DMD: variants seen among roughly 807,000 people sequenced by gnomAD.
DMD encodes dystrophin, also known as mutant dystrophin.
Under a neutral mutation model 330.1 loss-of-function variants are expected in DMD, and 63 were observed. That is an observed-to-expected ratio of 0.19 (90% CI 0.16 to 0.24). The LOEUF (loss-of-function observed/expected upper bound fraction) is 0.24. Ranked by LOEUF, DMD falls within the 10% of genes least tolerant of loss-of-function variation. The pLI is 1.00. For synonymous variants in DMD, 1,223 were observed against 959.8 expected, an observed-to-expected ratio of 1.27 and a Z score of -5.07; for missense variants, 3,344 against 2,684.1, an observed-to-expected ratio of 1.25 and a Z score of -5.43.
At chrX:32,675,047 G>A (rs770921503) in intron 9 of DMD, among the ~76,000 whole-genome samples, 13 of 111,465 alleles carry the variant, frequency 1.2e-4, no homozygotes, top group Non-Finnish European at 2.3e-4. Context: ...CGAATGTTCT[G>A]ATTTCAAATT....
chrX:32,875,554 ATGAATGACTATTGGATAAG>A (rs2083309771), intron 2 of DMD, among the ~76,000 whole-genome samples: 1 of 112,457 alleles, frequency 8.9e-6, no homozygotes, highest in Non-Finnish European at 1.9e-5. Context: ...CGAAGAATAA[ATGAATGACTATTGGATAAG>A]TGAATTAGTG....
chrX:32,008,186 C>T (rs2095677581), intron 44 of DMD, among the ~76,000 whole-genome samples: 1 of 110,972 alleles, frequency 9.0e-6, no homozygotes, highest in Non-Finnish European at 1.9e-5. Flanking sequence ...ATGTGCTCTC[C>T]TCAAAAGCTT....
chrX:32,135,591 C>A (rs1488601738), intron 44 of DMD, among the ~76,000 whole-genome samples: 1 of 111,394 alleles, frequency 9.0e-6, no homozygotes, highest in African/African-American at 3.3e-5. Context: ...GGCATGGTGG[C>A]GTGCGCCAGT....
rs1006798764 is a variant in DMD, at chrX:33,237,106, T to A, written c.7+102153A>T. On this transcript the variant is annotated intron_variant, in intron 1 of 17. Coordinates refer to the DMD transcript ENST00000288447. ...TGTACAATATAAAACCATTTCTGAA[T>A]TTTAGAGGAGTCAAATATAAGGTTT... 1.3e-4 allele frequency among the ~76,000 whole-genome samples: 14 copies of A among 110,522 alleles called. 1 individual carries two copies. Among genetic ancestry groups the A allele is most frequent in the African/African-American group, 4.6e-4 (14 of 30,316 alleles).
chrX:31,916,073 C>T (rs1264451283), intron 47 of DMD, among the ~76,000 whole-genome samples: 1 of 111,735 alleles, frequency 8.9e-6, no homozygotes, highest in African/African-American at 3.3e-5. Flanking sequence ...TATTAGAATC[C>T]TGTTTCTTGC....
chrX:32,411,817 C>T lies in DMD; in HGVS notation c.4168G>A (p.Asp1390Asn). Residue 1390 changes from aspartate (D) to asparagine (N), a missense_variant, in exon 30 of 79, where the codon GAC (aspartate) becomes AAC (asparagine). Asp to Asn is a conservative substitution (Grantham distance 23, BLOSUM62 1). Coordinates refer to ENST00000357033, the MANE Select transcript of DMD (RefSeq NM_004006.3). ...HLIQESLTFI[D>N]KQLAAYIADK... The stretch of plus-strand genomic sequence containing the variant: ...GCAATATAAGCTGCCAACTGCTTGT[C>T]AATGAATGTGAGGGACTCCTGGATT... 5.8e-6 allele frequency: 7 copies of T among 1,211,245 alleles called. No individual in the cohort carries two copies. The highest frequency in any genetic ancestry group is 7.8e-6 in the Non-Finnish European group (7 of 895,253).
intron 55 of DMD, among the ~76,000 whole-genome samples, chrX:31,547,656 T>C (rs2074223985): frequency 1.8e-5 from 2 of 112,062 alleles, no homozygotes; most frequent in South Asian, 7.5e-4. Context: ...GCTGGCACTC[T>C]TGCAGCATAC....
rs868185435 is a variant in DMD at position 32,133,005 on chromosome X, T to C, written c.6438+83911A>G. On this transcript the variant is annotated intron_variant, in intron 44 of 78. Transcript: ENST00000357033. ...CTCCTTTTCTTTTCTTTTTTTTTTT[T>C]TTTTTTTTTTTTTTTTTTTTAGATG... is the stretch of plus-strand genomic sequence containing the variant. 6.4e-3 allele frequency among the ~76,000 whole-genome samples: 508 copies of C among 79,188 alleles called. 13 individuals are homozygous for C. Among genetic ancestry groups the C allele is most frequent in the Middle Eastern group, 0.028 (5 of 176 alleles). 68.8% of individuals were successfully genotyped at this position (79,188 alleles called of 115,157 possible). A position where few individuals can be genotyped will look rare whatever the true frequency, so the allele number is the denominator to read the frequency against.
At chrX:31,718,391 G>A (rs778146516) in intron 52 of DMD, among the ~76,000 whole-genome samples, 1 of 110,914 alleles carries the variant, frequency 9.0e-6, no homozygotes, top group Non-Finnish European at 1.9e-5. Context: ...CCCTTGAGAA[G>A]GCCTAGTGGA....
At chrX:31,894,726 T>C (rs1002046505) in intron 47 of DMD, among the ~76,000 whole-genome samples, 5 of 112,076 alleles carry the variant, frequency 4.5e-5, no homozygotes, top group African/African-American at 1.6e-4. Flanking sequence ...ACAGACATTT[T>C]AATTTCTTCA....
chrX:32,412,347 T>A (rs868514975), intron 29 of DMD: 9 of 496,918 alleles, frequency 1.8e-5, no homozygotes, highest in Non-Finnish European at 2.7e-5. Flanking sequence ...GTGAGATACA[T>A]GTACAATCTG....
intron 11 of DMD, among the ~76,000 whole-genome samples, chrX:32,631,824 G>A (rs2058750492): frequency 9.0e-6 from 1 of 111,184 alleles, no homozygotes; most frequent in Admixed American, 9.5e-5. Context: ...CTCCCACCCA[G>A]GCCCCACCTC....
chrX:32,012,907 C>T (rs746132778), intron 44 of DMD, among the ~76,000 whole-genome samples: 1 of 110,480 alleles, frequency 9.1e-6, no homozygotes, highest in Non-Finnish European at 1.9e-5. Context: ...TCTATTTCCA[C>T]TTGTTAGTTT....
rs748315993 is a variant in DMD at position 33,237,471 on chromosome X, C to T, written c.7+101788G>A. Among the ~76,000 whole-genome samples the T allele has an allele frequency of 3.0e-4, 33 of 110,473 alleles. 1 individual carries two copies. The highest frequency in any genetic ancestry group is 1.0e-3 in the African/African-American group (31 of 30,359). On this transcript the variant is annotated intron_variant, in intron 1 of 17. Coordinates refer to the DMD transcript ENST00000288447. Reference sequence around the variant, plus strand: ...TGTTGGTCAGGCTGGACTTGAACTCCTGACCTCAAGTGATCCACTCACCTT... The same window carrying T: ...TGTTGGTCAGGCTGGACTTGAACTCTTGACCTCAAGTGATCCACTCACCTT...
intron 1 of DMD, among the ~76,000 whole-genome samples, chrX:33,188,588 C>G (rs1261790873): frequency 1.8e-5 from 2 of 111,163 alleles, no homozygotes; most frequent in East Asian, 5.7e-4. Flanking sequence ...GGGAAGAGAA[C>G]AGCAAAGCCC....
At chrX:32,817,750 CCTTTGGGGTAA>C (rs2077882758) in intron 5 of DMD, among the ~76,000 whole-genome samples, 1 of 111,429 alleles carries the variant, frequency 9.0e-6, no homozygotes, top group African/African-American at 3.3e-5. Context: ...TTAACAAATG[CCTTTGGGGTAA>C]ATGCATATTT....
At chrX:32,214,142 A>T (rs1426267925) in intron 44 of DMD, among the ~76,000 whole-genome samples, 4 of 110,564 alleles carry the variant, frequency 3.6e-5, no homozygotes, top group Non-Finnish European at 7.6e-5. Context: ...AAATTACATC[A>T]AAATAGTTTG....
intron 2 of DMD, among the ~76,000 whole-genome samples, chrX:33,004,024 G>A (rs2093343994): frequency 8.9e-6 from 1 of 112,187 alleles, no homozygotes; most frequent in African/African-American, 3.2e-5. Context: ...TGGAGATAGA[G>A]AACGCTCCAG....
intron 9 of DMD, among the ~76,000 whole-genome samples, chrX:32,683,262 A>C (rs924316931): frequency 9.0e-5 from 10 of 110,790 alleles, no homozygotes; most frequent in African/African-American, 3.3e-4. Context: ...AGAACTAGAA[A>C]TACCACTTGA....
Sources: gnomAD v4.1 joint callset for allele counts (sites outside exome capture counted in the v4.1 genomes callset) on GRCh38, gnomAD v4.1.1 for gene constraint, MANE v1.5 for transcripts, NCBI Gene and HGNC (gene_info 2026-07-23, HGNC 2026-07-21) for gene names.